The following CAMK1D variants were observed in gnomAD, a reference collection of about 807,000 sequenced individuals.
CAMK1D encodes the protein calcium/calmodulin-dependent protein kinase type 1D.
CAMK1D carries 9 observed loss-of-function variants against 47.7 expected under a neutral mutation model. That is an observed-to-expected ratio of 0.19 (90% confidence interval 0.11 to 0.33). CAMK1D has a LOEUF of 0.33. Ranked by LOEUF, CAMK1D falls within the 10% of genes least tolerant of loss-of-function variation. CAMK1D has a pLI of 1.00. For synonymous variants in CAMK1D, 184 were observed against 184.9 expected (o/e 0.99, Z 0.04); for missense variants, 291 against 488.7 (o/e 0.60, Z 3.81).
rs148271042 is a variant in CAMK1D, at chr10:12,805,200, A to C, written c.642-8995A>C. On this transcript the variant is annotated intron_variant, in intron 6 of 10. Coordinates refer to ENST00000619168, the MANE Select transcript of CAMK1D (RefSeq NM_153498.4). ...CTTGAACCCAGGAGGTAGAGGTTGC[A>C]GTGAGCCGAGATTGCGCCACTGCAC... 9.8e-3 allele frequency among the ~76,000 whole-genome samples: 1,478 copies of C among 151,356 alleles called. 10 individuals are homozygous for C. The highest frequency in any genetic ancestry group is 0.025 in the East Asian group (127 of 5,026).
In CAMK1D at chr10:12,553,129, T is replaced by C. The variant is rs1387352918; in HGVS notation, c.93-96T>C. The C allele has an allele frequency of 3.1e-6, 5 of 1,592,008 alleles. No individual in the cohort carries two copies. The African/African-American group carries it at 4.1e-5, about 13-fold the overall frequency. On this transcript the variant is annotated intron_variant, in intron 1 of 10. Transcript: ENST00000619168. ...AGTAATGCTTACAACTGTGCCGTCG[T>C]TATTGTTTACTCAAACTTCGGTGGT...
At chr10:12,660,704 A>G (rs981949353) in intron 2 of CAMK1D, among the ~76,000 whole-genome samples, 1 of 152,222 alleles carries the variant, frequency 6.6e-6, no homozygotes, top group Non-Finnish European at 1.5e-5. Context: ...CTCTCTGTAT[A>G]TAGATGTGTC....
chr10:12,437,623 C>T lies in CAMK1D; in HGVS notation c.92+87713C>T, dbSNP rs116408259. 9.1e-4 allele frequency among the ~76,000 whole-genome samples: 138 copies of T among 152,302 alleles called. 1 individual carries two copies. Among genetic ancestry groups the T allele is most frequent in the African/African-American group, 3.1e-3 (128 of 41,556 alleles). On this transcript the variant is annotated intron_variant, in intron 1 of 10. Transcript: ENST00000619168. Reference sequence around the variant, plus strand: ...CTACTATCAACATCCCCCAGCAGAGCGGGGCATTTTGTTACAGCTGATGAA... The same window carrying T: ...CTACTATCAACATCCCCCAGCAGAGTGGGGCATTTTGTTACAGCTGATGAA...
chr10:12,657,445 A>G (rs1840150557), intron 2 of CAMK1D, among the ~76,000 whole-genome samples: 1 of 151,846 alleles, frequency 6.6e-6, no homozygotes, highest in Non-Finnish European at 1.5e-5. Context: ...TAAATAAATA[A>G]ATAAATAAAT....
At chr10:12,759,375 T>C (rs7076830) in intron 3 of CAMK1D, among the ~76,000 whole-genome samples, 146,356 of 152,220 alleles carry the variant, frequency 0.96, 70,607 homozygotes, top group East Asian at 1. Flanking sequence ...GAAGTGAATG[T>C]CTCTAGGGCA....
At chr10:12,522,643 C>T (rs539588509) in intron 1 of CAMK1D, among the ~76,000 whole-genome samples, 4 of 151,932 alleles carry the variant, frequency 2.6e-5, no homozygotes, top group South Asian at 2.1e-4. Context: ...ATATTTTCCC[C>T]ACCTTTCCCC....
chr10:12,403,753 A>G (rs372191635), intron 1 of CAMK1D, among the ~76,000 whole-genome samples: 4 of 152,096 alleles, frequency 2.6e-5, no homozygotes, highest in Non-Finnish European at 4.4e-5. Flanking sequence ...TATTGTAACA[A>G]CTATATTGTA....
chr10:12,835,341 C>T lies in CAMK1D; in HGVS notation c.*6454C>T, dbSNP rs1833488607. 1 of 152,168 alleles carries T rather than the reference C, an allele frequency of 6.6e-6. No homozygotes were observed. Among genetic ancestry groups the T allele is most frequent in the Admixed American group, 6.5e-5 (1 of 15,286 alleles). The allele number at this position is 152,168 out of a possible 1,614,324, so 9.4% of individuals were successfully genotyped here. A position where few individuals can be genotyped will look rare whatever the true frequency, so the allele number is the denominator to read the frequency against. ...ACATGTTTGTCCAAAAGAAGGGAAACTGTGAATTTATTCCATGCATGTAAT... is the reference window on the plus strand; with the variant it reads ...ACATGTTTGTCCAAAAGAAGGGAAATTGTGAATTTATTCCATGCATGTAAT... On this transcript the variant is annotated 3_prime_UTR_variant, in exon 11 of 11. Coordinates refer to ENST00000619168, the MANE Select transcript of CAMK1D (RefSeq NM_153498.4).
chr10:12,760,361 G>A lies in CAMK1D; in HGVS notation c.300-587G>A, dbSNP rs1027497170. ...CCTGCTTTTTCATAAATCACAAGTGGCTTTGAGGTTCTGATCATTCCGAAG... is the reference window on the plus strand; with the variant it reads ...CCTGCTTTTTCATAAATCACAAGTGACTTTGAGGTTCTGATCATTCCGAAG... On this transcript the variant is annotated intron_variant, in intron 3 of 10. Coordinates refer to ENST00000619168, the MANE Select transcript of CAMK1D (RefSeq NM_153498.4). Among the ~76,000 whole-genome samples the A allele has an allele frequency of 3.3e-5, 5 of 152,172 alleles. 1 individual carries two copies. Among genetic ancestry groups the A allele is most frequent in the African/African-American group, 1.2e-4 (5 of 41,428 alleles).
At chr10:12,591,984 G>A (rs550184590) in intron 2 of CAMK1D, among the ~76,000 whole-genome samples, 6 of 152,214 alleles carry the variant, frequency 3.9e-5, no homozygotes, top group South Asian at 4.2e-4. Flanking sequence ...GAGCCACCAC[G>A]CTCAGCTGTT....
chr10:12,464,453 A>C (rs950313447), intron 1 of CAMK1D, among the ~76,000 whole-genome samples: 3 of 151,800 alleles, frequency 2.0e-5, no homozygotes, highest in African/African-American at 7.3e-5. Context: ...GGCTTTACCT[A>C]CCCTCCCCCA....
chr10:12,763,395 C>G (rs995430287), intron 4 of CAMK1D, among the ~76,000 whole-genome samples: 2 of 152,226 alleles, frequency 1.3e-5, no homozygotes, highest in Non-Finnish European at 2.9e-5. Context: ...ACCTCCTTCT[C>G]TTCGTAGAAA....
chr10:12,552,201 C>T (rs1323449249), intron 1 of CAMK1D, among the ~76,000 whole-genome samples: 1 of 152,234 alleles, frequency 6.6e-6, no homozygotes, highest in Admixed American at 6.5e-5. Flanking sequence ...GAGAAGTGGG[C>T]TCTCCAGCCC....
At chr10:12,812,110 G>A (rs901670912) in intron 6 of CAMK1D, among the ~76,000 whole-genome samples, 21 of 152,362 alleles carry the variant, frequency 1.4e-4, no homozygotes, top group South Asian at 2.1e-4. Flanking sequence ...GGCGATGTGC[G>A]TCCCACGGGA....
At chr10:12,387,390 T>TAAA (rs1564306892) in intron 1 of CAMK1D, among the ~76,000 whole-genome samples, 1 of 32,000 alleles carries the variant, frequency 3.1e-5, no homozygotes, top group East Asian at 1.9e-3. Flanking sequence ...ATTATATATA[T>TAAA]TATATATTTT....
chr10:12,694,386 ATATGTT>A (rs1833147875), intron 3 of CAMK1D, among the ~76,000 whole-genome samples: 2 of 102,694 alleles, frequency 1.9e-5, no homozygotes, highest in African/African-American at 3.9e-5. Flanking sequence ...TATAAAATAT[ATATGTT>A]ATATATCATA....
At position 12,738,649 on chromosome 10, in the gene CAMK1D, A is replaced by G. The variant is rs765603418; in HGVS notation, c.300-22299A>G. On this transcript the variant is annotated intron_variant, in intron 3 of 10. Coordinates refer to ENST00000619168, the MANE Select transcript of CAMK1D (RefSeq NM_153498.4). ...AGATCGAGACCATCCTGGCCAACAC[A>G]GTGAAACCCCATCTCTACTAAAAAT... Among the ~76,000 whole-genome samples the G allele has an allele frequency of 2.0e-5, 3 of 151,760 alleles. 1 individual carries two copies. The highest frequency in any genetic ancestry group is 4.2e-4 in the South Asian group (2 of 4,800).
intron 1 of CAMK1D, among the ~76,000 whole-genome samples, chr10:12,532,917 G>A (rs1007030445): frequency 1.5e-5 from 2 of 130,970 alleles, no homozygotes; most frequent in Admixed American, 1.8e-4. Context: ...CGGAGATAGA[G>A]AGTAGAAGAA....
intron 1 of CAMK1D, among the ~76,000 whole-genome samples, chr10:12,370,410 T>TA (rs890544488): frequency 1.8e-4 from 27 of 151,338 alleles, no homozygotes; most frequent in Admixed American, 4.0e-4. Flanking sequence ...TTCTACTTAT[T>TA]AAAAAAAAAG....
Sources: allele counts gnomAD v4.1 joint callset (sites outside exome capture counted in the v4.1 genomes callset), GRCh38; gene constraint gnomAD v4.1.1; transcripts MANE v1.5; gene names NCBI Gene and HGNC (gene_info 2026-07-23, HGNC 2026-07-21).